Variants in QTMAN observed in about 807,000 individuals in gnomAD.
QTMAN encodes tRNA-queuosine alpha-mannosyltransferase.
the QTMAN span, among the ~76,000 whole-genome samples, chr2:144,221,432 G>A: frequency 6.6e-6 from 1 of 152,044 alleles, no homozygotes; most frequent in Admixed American, 6.6e-5. Flanking sequence ...TTACACTATT[G>A]CATGACTGCA....
the QTMAN span, among the ~76,000 whole-genome samples, chr2:143,995,706 A>T: frequency 6.6e-6 from 1 of 152,186 alleles, no homozygotes; most frequent in African/African-American, 2.4e-5. Flanking sequence ...TAGAAATATA[A>T]TGTTTAAAAT....
At chr2:144,038,117 C>T in the QTMAN span, among the ~76,000 whole-genome samples, 1 of 152,094 alleles carries the variant, frequency 6.6e-6, no homozygotes, top group Non-Finnish European at 1.5e-5. Flanking sequence ...GGCAAGTGCT[C>T]GAGAAATGTT....
chr2:144,241,947 T>C, the QTMAN span, among the ~76,000 whole-genome samples: 1 of 152,172 alleles, frequency 6.6e-6, no homozygotes, highest in African/African-American at 2.4e-5. Flanking sequence ...ACATATGATT[T>C]CATTCTTAAC....
At chr2:144,073,685 G>A in the QTMAN span, among the ~76,000 whole-genome samples, 92 of 152,204 alleles carry the variant, frequency 6.0e-4, no homozygotes, top group African/African-American at 2.2e-3. Context: ...GCTAAATAAC[G>A]GTTCAAAAGC....
chr2:144,064,947 G>A, the QTMAN span, among the ~76,000 whole-genome samples: 1 of 152,172 alleles, frequency 6.6e-6, no homozygotes, highest in African/African-American at 2.4e-5. Flanking sequence ...GGACTGAGGA[G>A]GAGAGGGGGG....
At chr2:144,181,965 ACT>A in the QTMAN span, among the ~76,000 whole-genome samples, 730 of 152,210 alleles carry the variant, frequency 4.8e-3, 1 homozygote, top group Non-Finnish European at 7.5e-3. Context: ...TCAAATTCAG[ACT>A]CTGAAAAAAG....
the QTMAN span, among the ~76,000 whole-genome samples, chr2:144,263,140 G>C: frequency 6.6e-6 from 1 of 151,862 alleles, no homozygotes; most frequent in African/African-American, 2.4e-5. Context: ...CAAGTTTTCA[G>C]GATATGTGCT....
the QTMAN span, among the ~76,000 whole-genome samples, chr2:144,244,004 T>C: frequency 6.6e-6 from 1 of 152,198 alleles, no homozygotes; most frequent in East Asian, 1.9e-4. Context: ...TAAAGGGTGA[T>C]CAAACACATC....
the QTMAN span, among the ~76,000 whole-genome samples, chr2:144,031,896 A>T: frequency 6.6e-6 from 1 of 152,076 alleles, no homozygotes; most frequent in African/African-American, 2.4e-5. Context: ...AGCTGGGACT[A>T]CAGGCATGCG....
At chr2:144,109,453 ACCTAGGCAATAC>A in the QTMAN span, among the ~76,000 whole-genome samples, 12 of 152,148 alleles carry the variant, frequency 7.9e-5, no homozygotes, top group African/African-American at 2.9e-4. Context: ...CTAGAAGAAA[ACCTAGGCAATAC>A]CATTCAGGAC....
At chr2:144,267,460 A>G in the QTMAN span, among the ~76,000 whole-genome samples, 1 of 152,202 alleles carries the variant, frequency 6.6e-6, no homozygotes, top group Non-Finnish European at 1.5e-5. Flanking sequence ...ATTTGGCTAG[A>G]TGTGGTCACC....
At chr2:144,095,008 G>A in the QTMAN span, among the ~76,000 whole-genome samples, 1 of 152,112 alleles carries the variant, frequency 6.6e-6, no homozygotes, top group East Asian at 1.9e-4. Context: ...CAATGATGCT[G>A]TGCATGTGGC....
At chr2:143,955,185 G>C in the QTMAN span, among the ~76,000 whole-genome samples, 3 of 151,972 alleles carry the variant, frequency 2.0e-5, no homozygotes, top group Non-Finnish European at 1.5e-5. Context: ...GCACTTTTTT[G>C]TGTGATGCAA....
At chr2:144,266,808 C>T in the QTMAN span, among the ~76,000 whole-genome samples, 4 of 152,124 alleles carry the variant, frequency 2.6e-5, no homozygotes, top group Non-Finnish European at 4.4e-5. Flanking sequence ...AAACTCTGAC[C>T]TTCCTACTTC....
the QTMAN span, among the ~76,000 whole-genome samples, chr2:144,050,829 T>G: frequency 6.6e-6 from 1 of 152,074 alleles, no homozygotes; most frequent in African/African-American, 2.4e-5. Flanking sequence ...ATAGTTGTTA[T>G]ACTATATTTT....
the QTMAN span, chr2:144,332,576 C>T: frequency 1.3e-5 from 2 of 149,266 alleles, no homozygotes; most frequent in East Asian, 3.9e-4. Flanking sequence ...CCTCGGCCTC[C>T]GGGCGCGTCA....
At chr2:144,153,182 G>C in the QTMAN span, among the ~76,000 whole-genome samples, 1 of 152,164 alleles carries the variant, frequency 6.6e-6, no homozygotes, top group African/African-American at 2.4e-5. Context: ...AGGATAAGAA[G>C]TTTGTACTTT....
At chr2:144,218,775 G>T in the QTMAN span, among the ~76,000 whole-genome samples, 2 of 152,064 alleles carry the variant, frequency 1.3e-5, no homozygotes, top group African/African-American at 2.4e-5. Context: ...GCAAACATGG[G>T]TGGCATTCCC....
chr2:144,111,358 C>A, the QTMAN span, among the ~76,000 whole-genome samples: 1 of 152,204 alleles, frequency 6.6e-6, no homozygotes, highest in Admixed American at 6.5e-5. Flanking sequence ...TTCCACCCAA[C>A]AGGCCTTTTC....
Sources: allele counts gnomAD v4.1 joint callset (sites outside exome capture counted in the v4.1 genomes callset), GRCh38; gene constraint gnomAD v4.1.1; transcripts MANE v1.5; gene names NCBI Gene and HGNC (gene_info 2026-07-23, HGNC 2026-07-21).